FGF14: variants seen among roughly 807,000 people sequenced by gnomAD.
FGF14 encodes fibroblast growth factor 14.
A neutral mutation model predicts 25.5 loss-of-function variants in FGF14; 5 were observed. That is an observed-to-expected ratio of 0.20 (90% CI 0.10 to 0.41). The LOEUF is 0.41. Ranked by LOEUF, FGF14 falls within the 10% of genes least tolerant of loss-of-function variation. FGF14 has a pLI of 1.00. For missense variants in FGF14, 222 were observed against 320.1 expected (o/e 0.69, Z 2.34); for synonymous variants, 138 against 118.3 (o/e 1.17, Z -1.08).
At position 102,309,957 on chromosome 13, in the gene FGF14, T is replaced by G. The variant is rs144938296; in HGVS notation, c.208+91514A>C. ...TGATAAGGTCTCCATGACCTTTAAT[T>G]GTTTTTTACCCATGCACAGATATCT... On this transcript the variant is annotated intron_variant, in intron 1 of 4. Transcript: ENST00000376131. Among the ~76,000 whole-genome samples the G allele has an allele frequency of 3.5e-3, 528 of 152,336 alleles. 1 individual carries two copies. The highest frequency in any genetic ancestry group is 0.012 in the African/African-American group (496 of 41,590).
At chr13:102,289,443 C>G (rs2054268890) in intron 1 of FGF14, among the ~76,000 whole-genome samples, 1 of 152,108 alleles carries the variant, frequency 6.6e-6, no homozygotes. Flanking sequence ...TTTGATGTAA[C>G]TACTCAAGTT....
chr13:101,893,779 G>A (rs2030163761), intron 1 of FGF14, among the ~76,000 whole-genome samples: 1 of 152,102 alleles, frequency 6.6e-6, no homozygotes, highest in Non-Finnish European at 1.5e-5. Flanking sequence ...TTAGCCTGGC[G>A]AGATCCACGT....
intron 1 of FGF14, among the ~76,000 whole-genome samples, chr13:102,345,437 T>C (rs996136937): frequency 6.6e-6 from 1 of 152,166 alleles, no homozygotes; most frequent in Non-Finnish European, 1.5e-5. Flanking sequence ...GGAAAACAAA[T>C]AAAGCAAATA....
At chr13:101,798,195 T>C (rs1188201325) in intron 3 of FGF14, among the ~76,000 whole-genome samples, 3 of 152,144 alleles carry the variant, frequency 2.0e-5, no homozygotes, top group African/African-American at 7.2e-5. Context: ...AATCCTGGTC[T>C]CAACATGTCT....
chr13:102,184,796 A>G (rs1042277524), intron 1 of FGF14, among the ~76,000 whole-genome samples: 1 of 152,196 alleles, frequency 6.6e-6, no homozygotes, highest in Non-Finnish European at 1.5e-5. Context: ...GTTCATCAAA[A>G]TAATTTAGAA....
intron 1 of FGF14, among the ~76,000 whole-genome samples, chr13:102,137,851 C>T (rs2046478669): frequency 6.6e-6 from 1 of 150,472 alleles, no homozygotes; most frequent in South Asian, 2.1e-4. Context: ...CATTGCCAAT[C>T]AATGAAAAGG....
chr13:102,196,956 G>GTT (rs147361349), intron 1 of FGF14, among the ~76,000 whole-genome samples: 50,555 of 146,796 alleles, frequency 0.34, 9,753 homozygotes, highest in African/African-American at 0.52. Flanking sequence ...TTGTTTTTTT[G>GTT]GTTTTTTTTT....
intron 1 of FGF14, among the ~76,000 whole-genome samples, chr13:102,256,698 T>C (rs1381781566): frequency 6.6e-6 from 1 of 152,210 alleles, no homozygotes; most frequent in Non-Finnish European, 1.5e-5. Context: ...TAAATTATTA[T>C]ATAACTTACT....
intron 1 of FGF14, among the ~76,000 whole-genome samples, chr13:102,154,320 G>A (rs9554846): frequency 0.31 from 45,686 of 149,772 alleles, 7,616 homozygotes; most frequent in African/African-American, 0.45. Flanking sequence ...CGGATCTCTC[G>A]GCAGAAACCC....
chr13:101,744,500 C>T (rs1437694406), intron 3 of FGF14, among the ~76,000 whole-genome samples: 1 of 152,038 alleles, frequency 6.6e-6, no homozygotes, highest in African/African-American at 2.4e-5. Context: ...CTTTGTCAGT[C>T]ACCTTTGCAA....
intron 1 of FGF14, among the ~76,000 whole-genome samples, chr13:102,359,846 T>A (rs2057516892): frequency 6.9e-6 from 1 of 145,328 alleles, no homozygotes; most frequent in African/African-American, 2.6e-5. Flanking sequence ...CAAAATCAAC[T>A]TTATGTTAAA....
intron 1 of FGF14, among the ~76,000 whole-genome samples, chr13:102,129,310 C>G (rs572700063): frequency 6.6e-6 from 1 of 151,694 alleles, no homozygotes; most frequent in Non-Finnish European, 1.5e-5. Flanking sequence ...TTTTTTCACT[C>G]CATGTTGAAC....
intron 3 of FGF14, among the ~76,000 whole-genome samples, chr13:101,727,719 G>C (rs1191607003): frequency 6.6e-6 from 1 of 151,922 alleles, no homozygotes; most frequent in East Asian, 1.9e-4. Flanking sequence ...ATCTACATAT[G>C]CATTTTTGAT....
At chr13:101,984,058 C>G (rs2038422382) in intron 1 of FGF14, among the ~76,000 whole-genome samples, 1 of 152,160 alleles carries the variant, frequency 6.6e-6, no homozygotes, top group African/African-American at 2.4e-5. Context: ...TCTCTTTCAG[C>G]CTTCCCATTC....
chr13:101,942,970 T>G (rs1250981494), intron 1 of FGF14, among the ~76,000 whole-genome samples: 1 of 152,198 alleles, frequency 6.6e-6, no homozygotes, highest in Non-Finnish European at 1.5e-5. Flanking sequence ...GGCAGTGGGC[T>G]CAAAATAGAA....
At chr13:102,244,597 G>C (rs1468506853) in intron 1 of FGF14, among the ~76,000 whole-genome samples, 2 of 151,910 alleles carry the variant, frequency 1.3e-5, no homozygotes, top group African/African-American at 4.8e-5. Context: ...AGTCCTTTAG[G>C]TTTTTCATGT....
rs150739674 is a variant in FGF14 at position 101,895,426 on chromosome 13, G to A, written c.194-20130C>T. On this transcript the variant is annotated intron_variant, in intron 1 of 4. Transcript: ENST00000376143. ...TATGTATTTCATCTCCATTCCTCCA[G>A]TTACTTCCTACTTCTGTTCATTCAT... Among the ~76,000 whole-genome samples the A allele has an allele frequency of 8.2e-4, 125 of 152,180 alleles. 5 individuals carry two copies. In the East Asian group the frequency reaches 0.022, roughly 27 times the overall value.
At chr13:101,943,828 T>C (rs865791440) in intron 1 of FGF14, among the ~76,000 whole-genome samples, 1 of 133,930 alleles carries the variant, frequency 7.5e-6, no homozygotes, top group Non-Finnish European at 1.6e-5. Flanking sequence ...AAAAAAAAAA[T>C]ATATATATAT....
chr13:101,989,939 C>T (rs2038804816), intron 1 of FGF14, among the ~76,000 whole-genome samples: 1 of 152,122 alleles, frequency 6.6e-6, no homozygotes, highest in African/African-American at 2.4e-5. Context: ...TCATTCCAAG[C>T]ACACGCTGGA....
Sources: gnomAD v4.1 joint callset for allele counts (sites outside exome capture counted in the v4.1 genomes callset) on GRCh38, gnomAD v4.1.1 for gene constraint, MANE v1.5 for transcripts, NCBI Gene and HGNC (gene_info 2026-07-23, HGNC 2026-07-21) for gene names.